Variants in ARID1B observed in about 807,000 individuals in gnomAD.
ARID1B encodes AT-rich interaction domain 1B.
ARID1B carries 30 observed loss-of-function variants against 212.3 expected under a neutral mutation model. The ratio of observed to expected loss-of-function variants is 0.14; its 90% CI spans 0.11 to 0.19. ARID1B has a LOEUF of 0.19. Ranked by LOEUF, ARID1B falls within the 10% of genes least tolerant of loss-of-function variation. The probability of loss-of-function intolerance (pLI) is 1.00; values close to 1 mark genes in which losing one functional copy is unlikely to be tolerated. For synonymous variants in ARID1B, 1,402 were observed against 1,301.7 expected, an observed-to-expected ratio of 1.08 and a Z score of -1.66; for missense variants, 2,891 against 3,204.0, an observed-to-expected ratio of 0.90 and a Z score of 2.36.
At chr6:157,161,290 G>C (rs1174825598) in intron 8 of ARID1B, among the ~76,000 whole-genome samples, 1 of 152,148 alleles carries the variant, frequency 6.6e-6, no homozygotes, top group Non-Finnish European at 1.5e-5. Context: ...TTCCTAGCCA[G>C]AGCCACTGGC....
chr6:157,089,407 A>G (rs17088104), intron 5 of ARID1B, among the ~76,000 whole-genome samples: 8,002 of 152,048 alleles, frequency 0.053, 552 homozygotes, highest in East Asian at 0.25. Context: ...GGGAACCACT[A>G]CTGTGATACA....
intron 2 of ARID1B, among the ~76,000 whole-genome samples, chr6:156,860,116 A>AC (rs1785225459): frequency 6.6e-6 from 1 of 152,188 alleles, no homozygotes; most frequent in Admixed American, 6.5e-5. Context: ...AAGCACCTAT[A>AC]CTTATGCATA....
intron 2 of ARID1B, among the ~76,000 whole-genome samples, chr6:156,866,056 G>A (rs980440752): frequency 1.3e-5 from 2 of 152,026 alleles, no homozygotes; most frequent in African/African-American, 4.8e-5. Flanking sequence ...AACTACTGTG[G>A]GGACCTTGGT....
chr6:156,856,791 T>C (rs1228099571), intron 2 of ARID1B, among the ~76,000 whole-genome samples: 7 of 151,286 alleles, frequency 4.6e-5, no homozygotes, highest in Admixed American at 2.0e-4. Context: ...ATCTCAATGC[T>C]GAAAAACCCA....
chr6:156,953,335 A>C (rs1273680624), intron 4 of ARID1B, among the ~76,000 whole-genome samples: 1 of 152,188 alleles, frequency 6.6e-6, no homozygotes, highest in East Asian at 1.9e-4. Context: ...GAGTTTCACA[A>C]ATATAGAAGT....
intron 4 of ARID1B, among the ~76,000 whole-genome samples, chr6:157,014,309 C>G (rs1008871507): frequency 6.6e-6 from 1 of 152,168 alleles, no homozygotes; most frequent in Non-Finnish European, 1.5e-5. Context: ...TTGGTTCTTA[C>G]CTTTTATGCA....
chr6:156,917,367 G>A (rs1191428462), intron 3 of ARID1B, among the ~76,000 whole-genome samples: 1 of 152,202 alleles, frequency 6.6e-6, no homozygotes, highest in African/African-American at 2.4e-5. Context: ...TGTTTTGCAT[G>A]TGGGAATCTA....
chr6:157,195,708 G>C, intron 15 of ARID1B: 1 of 159,818 alleles, frequency 6.3e-6, no homozygotes, highest in Non-Finnish European at 1.4e-5. Context: ...TGCCCCCACA[G>C]AGCACATCTT....
intron 4 of ARID1B, among the ~76,000 whole-genome samples, chr6:156,948,400 A>AT (rs1309345800): frequency 6.7e-6 from 1 of 148,650 alleles, no homozygotes; most frequent in Admixed American, 6.7e-5. Context: ...TCTTATAGAG[A>AT]TGGGGGGGCA....
At chr6:156,846,646 G>C (rs6911414) in intron 2 of ARID1B, among the ~76,000 whole-genome samples, 2 of 152,094 alleles carry the variant, frequency 1.3e-5, no homozygotes, top group African/African-American at 4.8e-5. Flanking sequence ...CTAACTCATC[G>C]TTGACTCTCA....
At chr6:156,928,328 G>A (rs1791406400) in intron 3 of ARID1B, among the ~76,000 whole-genome samples, 1 of 152,206 alleles carries the variant, frequency 6.6e-6, no homozygotes, top group South Asian at 2.1e-4. Flanking sequence ...GATGGACTGG[G>A]TGATGATTTG....
intron 2 of ARID1B, among the ~76,000 whole-genome samples, chr6:156,887,367 TGGA>T (rs2128180665): frequency 6.6e-6 from 1 of 152,322 alleles, no homozygotes; most frequent in South Asian, 2.1e-4. Flanking sequence ...GGACAGTCTG[TGGA>T]GAAGTTGGAC....
rs1793948258 is a variant in ARID1B at position 156,955,994 on chromosome 6, A to G, written c.2247+20418A>G. ...CCCTGTGCTTTGCTTTTTACCACCA[A>G]CTGCTTGACAGCCGTCCAGGACTGC... is the stretch of plus-strand genomic sequence containing the variant. On this transcript the variant is annotated intron_variant, in intron 4 of 19. Coordinates refer to ENST00000636930, the MANE Select transcript of ARID1B (RefSeq NM_001374828.1). The surrounding 1 kb of genome is among the most constrained non-coding windows in gnomAD (Gnocchi z 4.2). Among the ~76,000 whole-genome samples the G allele has an allele frequency of 6.6e-6, 1 of 152,014 alleles. No homozygotes were observed. Among genetic ancestry groups the G allele is most frequent in the African/African-American group, 2.4e-5 (1 of 41,380 alleles).
rs1349309510 is a variant in ARID1B at position 157,186,423 on chromosome 6, G to T, written c.3919+1988G>T. 3.0e-5 allele frequency: 14 copies of T among 470,978 alleles called. No individual in the cohort carries two copies. In the East Asian group the frequency reaches 5.6e-4, roughly 19 times the overall value. 29.2% of individuals were successfully genotyped at this position (470,978 alleles called of 1,614,324 possible). A position where few individuals can be genotyped will look rare whatever the true frequency, so the allele number is the denominator to read the frequency against. On this transcript the variant is annotated intron_variant, in intron 13 of 19. Transcript: ENST00000636930. ...AAGGAAAGCCTCCTGGTCTCGTCCA[G>T]CCCCGAGAGCGCGTGCAGGGGGCTC...
At chr6:156,989,783 G>A (rs771111361) in intron 4 of ARID1B, among the ~76,000 whole-genome samples, 11 of 152,140 alleles carry the variant, frequency 7.2e-5, no homozygotes, top group Non-Finnish European at 1.5e-4. Flanking sequence ...TGCTGATGGC[G>A]GGGATAGTTG....
At chr6:157,136,064 A>G (rs1314202886) in intron 7 of ARID1B, among the ~76,000 whole-genome samples, 1 of 152,234 alleles carries the variant, frequency 6.6e-6, no homozygotes, top group Non-Finnish European at 1.5e-5. Flanking sequence ...TTTATTGAAC[A>G]TGTTACTATG....
chr6:157,146,560 CTTTGT>C (rs1789738819), intron 7 of ARID1B, among the ~76,000 whole-genome samples: 1 of 152,192 alleles, frequency 6.6e-6, no homozygotes, highest in Non-Finnish European at 1.5e-5. Context: ...ACATTGCATG[CTTTGT>C]TTTGCTTTTA....
chr6:157,195,967 A>C lies in ARID1B; in HGVS notation c.4232-198A>C. 3 of 531,016 alleles carry C rather than the reference A, an allele frequency of 5.6e-6. No homozygotes were observed. In the South Asian group the frequency reaches 7.2e-5, roughly 13 times the overall value. 32.9% of individuals were successfully genotyped at this position (531,016 alleles called of 1,614,324 possible). A position where few individuals can be genotyped will look rare whatever the true frequency, so the allele number is the denominator to read the frequency against. ...TCTCAGCTACTTGGGAGGGTGACGC[A>C]GGAGAATCGCCTGAACCCGGGAGGC... On this transcript the variant is annotated intron_variant, in intron 15 of 19. Coordinates refer to ENST00000636930, the MANE Select transcript of ARID1B (RefSeq NM_001374828.1).
At chr6:157,106,214 G>A (rs1217087055) in intron 5 of ARID1B, among the ~76,000 whole-genome samples, 2 of 152,118 alleles carry the variant, frequency 1.3e-5, no homozygotes, top group Admixed American at 6.5e-5. Flanking sequence ...GTCCAGGACA[G>A]CGTGAAAAAA....
Sources: gnomAD v4.1 joint callset for allele counts (sites outside exome capture counted in the v4.1 genomes callset) on GRCh38, gnomAD v4.1.1 for gene constraint, Gnocchi (gnomAD v3.1) non-coding constraint, MANE v1.5 for transcripts, NCBI Gene and HGNC (gene_info 2026-07-23, HGNC 2026-07-21) for gene names.